PTPDC1: variants seen among roughly 807,000 people sequenced by gnomAD.
PTPDC1 encodes protein tyrosine phosphatase domain-containing protein 1.
Under a neutral mutation model 75.3 loss-of-function variants are expected in PTPDC1, and 53 were observed. The observed-to-expected ratio is 0.70, with a 90% confidence interval of 0.56 to 0.88. The LOEUF (loss-of-function observed/expected upper bound fraction) is 0.88. Ranked by LOEUF, PTPDC1 falls within the 40% of genes least tolerant of loss-of-function variation. The probability of loss-of-function intolerance (pLI) is 0.00; values close to 1 mark genes in which losing one functional copy is unlikely to be tolerated. For synonymous variants in PTPDC1, 349 were observed against 366.2 expected, an observed-to-expected ratio of 0.95 and a Z score of 0.54; for missense variants, 925 against 998.6, an observed-to-expected ratio of 0.93 and a Z score of 0.99.
At chr9:94,089,179 C>G (rs1271939477) in intron 4 of PTPDC1, among the ~76,000 whole-genome samples, 1 of 146,456 alleles carries the variant, frequency 6.8e-6, no homozygotes, top group Non-Finnish European at 1.5e-5. Context: ...ACTGCACCCA[C>G]TAACTCGTCA....
chr9:94,040,011 A>G (rs1345187332), intron 1 of PTPDC1, among the ~76,000 whole-genome samples: 3 of 152,196 alleles, frequency 2.0e-5, no homozygotes, highest in African/African-American at 4.8e-5. Flanking sequence ...AGCCACTCCA[A>G]TGAGCTGAAC....
chr9:94,108,614 C>G lies in PTPDC1; in HGVS notation c.*670C>G, dbSNP rs912435973. On this transcript the variant is annotated 3_prime_UTR_variant, in exon 9 of 9. Coordinates refer to ENST00000620992, the MANE Select transcript of PTPDC1 (RefSeq NM_001253829.2). ...TTTGCTTGTAGAAAGTAGACTTGCT[C>G]TTTGTCAGATTTCCAAACAACCTTG... 1.3e-5 allele frequency: 2 copies of G among 152,230 alleles called. No individual in the cohort carries two copies. Among genetic ancestry groups the G allele is most frequent in the African/African-American group, 2.4e-5 (1 of 41,444 alleles). The allele number at this position is 152,230 out of a possible 1,614,324, so 9.4% of individuals were successfully genotyped here. A position where few individuals can be genotyped will look rare whatever the true frequency, so the allele number is the denominator to read the frequency against.
At chr9:94,047,821 A>G (rs1424827404) in intron 1 of PTPDC1, among the ~76,000 whole-genome samples, 20 of 152,254 alleles carry the variant, frequency 1.3e-4, no homozygotes, top group Admixed American at 6.5e-5. Flanking sequence ...AATCTAGAAG[A>G]AATGGATAAA....
upstream of PTPDC1, among the ~76,000 whole-genome samples, chr9:94,081,048 G>C (rs1210700105): frequency 7.3e-6 from 1 of 136,874 alleles, no homozygotes; most frequent in African/African-American, 2.8e-5. Flanking sequence ...AGAGTGCAGT[G>C]GTGCAATCTC....
chr9:94,100,497 G>A (rs1232310480), intron 6 of PTPDC1: 1 of 152,162 alleles, frequency 6.6e-6, no homozygotes, highest in Non-Finnish European at 1.5e-5. Context: ...AGTACCAGAG[G>A]GCCCTTGTGG....
chr9:94,088,898 C>A (rs2117993758), intron 4 of PTPDC1, among the ~76,000 whole-genome samples: 2 of 152,194 alleles, frequency 1.3e-5, no homozygotes, highest in African/African-American at 4.8e-5. Flanking sequence ...ATTTATCAGT[C>A]ATTTAGACAC....
Position 94,087,904 on chromosome 9 carries a change from T to A in PTPDC1, c.490T>A (p.Phe164Ile). 1 of 1,612,674 alleles carries A rather than the reference T, an allele frequency of 6.2e-7. No individual in the cohort carries two copies. Among genetic ancestry groups the A allele is most frequent in the Non-Finnish European group, 8.5e-7 (1 of 1,178,674 alleles). ...GGAGAAGTACCACATCATTGATCAGTTCCTCAGGTAAATGCTGTATTGTTC... is the reference window on the plus strand; with the variant it reads ...GGAGAAGTACCACATCATTGATCAGATCCTCAGGTAAATGCTGTATTGTTC... Reference protein sequence around the residue: ...LLEKYHIIDQFLSHGIKTIIN... With the variant: ...LLEKYHIIDQILSHGIKTIIN... The change falls in exon 3 of 9, where the codon TTC becomes ATC. Residue 164 changes from phenylalanine (F) to isoleucine (I), a missense_variant. Phe to Ile is a conservative substitution (Grantham distance 21). Transcript: ENST00000620992.
chr9:94,037,232 G>T (rs1026874798), intron 1 of PTPDC1, among the ~76,000 whole-genome samples: 1 of 152,132 alleles, frequency 6.6e-6, no homozygotes, highest in Non-Finnish European at 1.5e-5. Context: ...TCTGTTTTAG[G>T]AATTAAATTG....
upstream of PTPDC1, among the ~76,000 whole-genome samples, chr9:94,081,223 C>G (rs1826872984): frequency 6.6e-6 from 1 of 152,168 alleles, no homozygotes; most frequent in Admixed American, 6.5e-5. Flanking sequence ...CTACTGACCT[C>G]AGGTGATCTG....
intron 7 of PTPDC1, among the ~76,000 whole-genome samples, chr9:94,102,436 C>A (rs1827875891): frequency 6.6e-6 from 1 of 151,724 alleles, no homozygotes; most frequent in South Asian, 2.1e-4. Flanking sequence ...TAATAGTGGT[C>A]ACCTTTAGGA....
intron 1 of PTPDC1, among the ~76,000 whole-genome samples, chr9:94,056,943 TAGAA>T (rs1825958940): frequency 6.6e-6 from 1 of 152,140 alleles, no homozygotes; most frequent in South Asian, 2.1e-4. Flanking sequence ...CAACAGGAAA[TAGAA>T]ATAAATAATA....
intron 6 of PTPDC1, 54 bp downstream of exon 6, chr9:94,098,633 G>C (rs1827717758): frequency 1.4e-6 from 2 of 1,397,422 alleles, no homozygotes; most frequent in South Asian, 2.4e-5. Flanking sequence ...TTATGTCAGG[G>C]CAAAAGTGTG....
chr9:94,061,766 C>T lies in PTPDC1; in HGVS notation c.-6-2968C>T, dbSNP rs561984948. Among the ~76,000 whole-genome samples the T allele has an allele frequency of 9.8e-5, 15 of 152,358 alleles. No individual in the cohort carries two copies. In the South Asian group the frequency reaches 2.3e-3, roughly 23 times the overall value. On this transcript the variant is annotated intron_variant, in intron 1 of 9. Transcript: ENST00000375360. ...AGCAGTGTCCTGGGGCTGCACAGGG[C>T]AGCAGGGCCCTGGGCATAGCCCACA... is the stretch of plus-strand genomic sequence containing the variant.
intron 8 of PTPDC1, 80 bp from the exon 9 acceptor site, chr9:94,107,748 C>A: frequency 1.5e-6 from 1 of 653,304 alleles, no homozygotes; most frequent in Non-Finnish European, 2.5e-6. Context: ...TTTTTTTTCT[C>A]CACCCCCTCC....
At chr9:94,050,152 G>A (rs1437720078) in intron 1 of PTPDC1, among the ~76,000 whole-genome samples, 1 of 151,612 alleles carries the variant, frequency 6.6e-6, no homozygotes, top group Non-Finnish European at 1.5e-5. Context: ...CTTTACCATG[G>A]GTTTGAACTT....
chr9:94,073,753 C>CT (rs962117878), intron 2 of PTPDC1, among the ~76,000 whole-genome samples: 18 of 152,288 alleles, frequency 1.2e-4, no homozygotes, highest in African/African-American at 4.1e-4. Flanking sequence ...CAAATCTCTG[C>CT]TTTACCACCA....
intron 1 of PTPDC1, chr9:94,064,718 AT>A (rs752818044): frequency 1.4e-5 from 22 of 1,597,180 alleles, no homozygotes; most frequent in African/African-American, 2.7e-5. Context: ...TCAAAAAATA[AT>A]TTTTTTTCCA....
In PTPDC1 at chr9:94,093,142, T is replaced by G. The variant is rs1002048079; in HGVS notation, c.617-2175T>G. On this transcript the variant is annotated intron_variant, in intron 4 of 8. Coordinates refer to ENST00000620992, the MANE Select transcript of PTPDC1 (RefSeq NM_001253829.2). ...TCCTGTCATTATGATGTTAGCTGGT[T>G]ATTTTGCTCGTTAGTTGATGCAGTT... Among the ~76,000 whole-genome samples, 289 of 152,252 alleles carry G rather than the reference T, an allele frequency of 1.9e-3. 4 individuals are homozygous for G. Among genetic ancestry groups the G allele is most frequent in the African/African-American group, 6.5e-3 (271 of 41,522 alleles).
chr9:94,061,227 C>T (rs1289073020), intron 1 of PTPDC1, among the ~76,000 whole-genome samples: 1 of 152,206 alleles, frequency 6.6e-6, no homozygotes, highest in Non-Finnish European at 1.5e-5. Context: ...CTCCAAAATA[C>T]TCCATGGGAA....
Sources: gnomAD v4.1 joint callset for allele counts (sites outside exome capture counted in the v4.1 genomes callset) on GRCh38, gnomAD v4.1.1 for gene constraint, MANE v1.5 for transcripts, NCBI Gene and HGNC (gene_info 2026-07-23, HGNC 2026-07-21) for gene names.